DSC3: variants seen among roughly 807,000 people sequenced by gnomAD.
The protein encoded by DSC3 is desmocollin-3.
A neutral mutation model predicts 89.5 loss-of-function variants in DSC3; 97 were observed. The observed-to-expected ratio is 1.08, with a 90% CI of 0.92 to 1.28. DSC3 has a LOEUF of 1.28. Among genes scored for constraint, DSC3 ranks in the 50% most tolerant of loss-of-function variants. The pLI is 0.00. For synonymous variants in DSC3, 436 were observed against 384.1 expected (o/e 1.14, Z -1.58); for missense variants, 1,199 against 1,085.3 (o/e 1.10, Z -1.47).
At chr18:31,040,544 T>C (rs1001723350) in intron 1 of DSC3, among the ~76,000 whole-genome samples, 13 of 152,166 alleles carry the variant, frequency 8.5e-5, no homozygotes, top group African/African-American at 2.4e-4. Context: ...GTATTTACAC[T>C]TCAGAGTGTG....
intron 1 of DSC3, among the ~76,000 whole-genome samples, chr18:31,039,806 C>T (rs1986077537): frequency 6.6e-6 from 1 of 152,166 alleles, no homozygotes; most frequent in African/African-American, 2.4e-5. Flanking sequence ...TCAACAGGAA[C>T]ATCAACAATC....
chr18:31,037,799 C>G (rs1333967574), intron 1 of DSC3, among the ~76,000 whole-genome samples: 1 of 152,012 alleles, frequency 6.6e-6, no homozygotes, highest in African/African-American at 2.4e-5. Flanking sequence ...ACTCAGGAAG[C>G]TGAGGCAGGA....
At chr18:31,030,919 A>G (rs1567960852) in intron 3 of DSC3, 54 bp downstream of exon 3, 1 of 1,486,218 alleles carries the variant, frequency 6.7e-7, no homozygotes, top group South Asian at 1.2e-5. Flanking sequence ...GCAATTTTTA[A>G]TAAGAGTATT....
At chr18:30,998,430 T>A (rs888809038) in intron 14 of DSC3, among the ~76,000 whole-genome samples, 2 of 152,134 alleles carry the variant, frequency 1.3e-5, no homozygotes, top group African/African-American at 4.8e-5. Context: ...AGTTTGAACA[T>A]GGTAAACATT....
At chr18:31,040,816 C>A (rs191489944) in intron 1 of DSC3, among the ~76,000 whole-genome samples, 2 of 152,044 alleles carry the variant, frequency 1.3e-5, no homozygotes, top group Non-Finnish European at 2.9e-5. Flanking sequence ...AGTTGAGAGT[C>A]GTATGAGTCA....
intron 14 of DSC3, among the ~76,000 whole-genome samples, chr18:30,998,406 G>A (rs1428731916): frequency 6.6e-6 from 1 of 152,156 alleles, no homozygotes; most frequent in Non-Finnish European, 1.5e-5. Context: ...GGCAAGAGGA[G>A]AGTGAGCAAC....
chr18:31,001,849 G>T, intron 13 of DSC3, 110 bp from the exon 14 acceptor site: 3 of 869,226 alleles, frequency 3.5e-6, no homozygotes, highest in Non-Finnish European at 5.0e-6. Flanking sequence ...AATCCACTAA[G>T]CATGGTTTCC....
At chr18:31,029,371 C>T in intron 4 of DSC3, 138 bp downstream of exon 4, 1 of 1,093,620 alleles carries the variant, frequency 9.1e-7, no homozygotes, top group Non-Finnish European at 1.3e-6. Context: ...AATTTTCTTT[C>T]TCATTTTACT....
At chr18:31,010,380 T>C (rs73952548) in intron 9 of DSC3, among the ~76,000 whole-genome samples, 2,945 of 152,238 alleles carry the variant, frequency 0.019, 78 homozygotes, top group African/African-American at 0.068. Flanking sequence ...GATGGAAATT[T>C]AGAGAACAGC....
At chr18:31,005,915 C>T (rs567387936) in intron 12 of DSC3, among the ~76,000 whole-genome samples, 11 of 151,994 alleles carry the variant, frequency 7.2e-5, no homozygotes, top group East Asian at 1.9e-4. Context: ...AGGATCTGGA[C>T]GAGTGCTTAA....
At chr18:31,040,448 C>A (rs1986095677) in intron 1 of DSC3, among the ~76,000 whole-genome samples, 1 of 152,130 alleles carries the variant, frequency 6.6e-6, no homozygotes, top group Non-Finnish European at 1.5e-5. Flanking sequence ...CAAAAACTTA[C>A]AATAGTGAGT....
chr18:31,025,701 A>G (rs1985573110), intron 5 of DSC3, 59 bp downstream of exon 5: 3 of 1,529,912 alleles, frequency 2.0e-6, no homozygotes, highest in Non-Finnish European at 2.7e-6. Context: ...AGCTGGAGTA[A>G]GCATCAGAAG....
chr18:31,008,570 T>A (rs113425084), intron 9 of DSC3, 45 bp from the exon 10 acceptor site: 1 of 1,609,216 alleles, frequency 6.2e-7, no homozygotes, highest in South Asian at 1.1e-5. Flanking sequence ...GTAAAATACA[T>A]CTGGCATTTC....
In DSC3 at chr18:30,991,053, A is replaced by G. The variant is rs1405084379; in HGVS notation, c.*3122T>C. On this transcript the variant is annotated 3_prime_UTR_variant, in exon 16 of 16. Transcript: ENST00000360428. ...GAATTATTTAATCTCTAAATACAGC[A>G]AAAACAAGAAACCAAGTTAATATTG... The G allele has an allele frequency of 1.3e-5, 2 of 152,470 alleles. No homozygotes were observed. The highest frequency in any genetic ancestry group is 6.5e-5 in the Admixed American group (1 of 15,274). The allele number at this position is 152,470 out of a possible 1,614,324, so 9.4% of individuals were successfully genotyped here. A position where few individuals can be genotyped will look rare whatever the true frequency, so the allele number is the denominator to read the frequency against.
chr18:31,000,144 A>G (rs1385574029), intron 14 of DSC3, among the ~76,000 whole-genome samples: 3 of 152,040 alleles, frequency 2.0e-5, no homozygotes, highest in Non-Finnish European at 4.4e-5. Context: ...AGTTGAAGAG[A>G]GAAATAGTGA....
At chr18:31,000,714 A>C (rs1185508486) in intron 14 of DSC3, among the ~76,000 whole-genome samples, 2 of 151,974 alleles carry the variant, frequency 1.3e-5, no homozygotes, top group Non-Finnish European at 2.9e-5. Context: ...TTCTTTAGCT[A>C]TTCTCACCGT....
chr18:31,001,543 A>C (rs1461642127), intron 14 of DSC3, 75 bp downstream of exon 14: 2 of 1,533,044 alleles, frequency 1.3e-6, no homozygotes, highest in African/African-American at 2.8e-5. Context: ...TTAACTCCTA[A>C]ATTTTGAAAT....
At chr18:31,036,770 T>C (rs1985981780) in intron 1 of DSC3, among the ~76,000 whole-genome samples, 1 of 150,284 alleles carries the variant, frequency 6.7e-6, no homozygotes, top group Non-Finnish European at 1.5e-5. Flanking sequence ...TACTTATGAA[T>C]TATATTTCCT....
chr18:30,994,422 A>C, intron 15 of DSC3, 50 bp from the exon 16 acceptor site: 1 of 1,592,350 alleles, frequency 6.3e-7, no homozygotes, highest in South Asian at 1.1e-5. Flanking sequence ...AAACAACTTA[A>C]ATATATGAAC....
Sources: allele counts gnomAD v4.1 joint callset (sites outside exome capture counted in the v4.1 genomes callset), GRCh38; gene constraint gnomAD v4.1.1; transcripts MANE v1.5; gene names NCBI Gene and HGNC (gene_info 2026-07-23, HGNC 2026-07-21).